Variants in PDE2A observed in about 807,000 individuals in gnomAD.
PDE2A encodes the protein cGMP-dependent 3',5'-cyclic phosphodiesterase.
In PDE2A, 53 loss-of-function variants were observed where a neutral mutation model predicts 133.6. The ratio of observed to expected loss-of-function variants is 0.40; its 90% CI spans 0.32 to 0.50. PDE2A has a LOEUF of 0.50. PDE2A is among the 20% of genes least tolerant of loss of function. The probability of loss-of-function intolerance (pLI) is 0.73; values close to 1 mark genes in which losing one functional copy is unlikely to be tolerated. For synonymous variants in PDE2A, 491 were observed against 490.2 expected (o/e 1.00, Z -0.02); for missense variants, 796 against 1,232.4 (o/e 0.65, Z 5.30).
intron 2 of PDE2A, among the ~76,000 whole-genome samples, chr11:72,630,011 C>A (rs1035452733): frequency 3.9e-5 from 6 of 152,260 alleles, no homozygotes; most frequent in Admixed American, 3.3e-4. Flanking sequence ...CTCACACACA[C>A]ACACACCCTC....
At chr11:72,615,065 T>A in intron 2 of PDE2A, 1 of 510,336 alleles carries the variant, frequency 2.0e-6, no homozygotes. Flanking sequence ...CTTCAGTTGT[T>A]ACTCCAACAG....
chr11:72,589,334 A>G (rs1856125689), intron 11 of PDE2A, 94 bp from the exon 12 acceptor site: 1 of 908,358 alleles, frequency 1.1e-6, no homozygotes, highest in Non-Finnish European at 1.8e-6. Flanking sequence ...AGTTTCAAAG[A>G]ACCCTTCAGT....
At chr11:72,585,669 G>T (rs1055914593) in intron 14 of PDE2A, 76 bp from the exon 15 acceptor site, 5 of 1,301,448 alleles carry the variant, frequency 3.8e-6, no homozygotes, top group Non-Finnish European at 4.4e-6. Context: ...GCCTCCAACA[G>T]CACCCGGGTC....
intron 2 of PDE2A, among the ~76,000 whole-genome samples, chr11:72,633,899 A>G (rs1858547852): frequency 6.6e-6 from 1 of 152,188 alleles, no homozygotes; most frequent in Admixed American, 6.5e-5. Context: ...CCTGATGCCA[A>G]GGGCAGTGTG....
chr11:72,584,125 G>T, intron 19 of PDE2A, 76 bp downstream of exon 19: 2 of 765,702 alleles, frequency 2.6e-6, no homozygotes, highest in Non-Finnish European at 4.4e-6. Context: ...AGAGTCAGTC[G>T]GAGGAGGAGA....
At chr11:72,660,070 C>G (rs1340294941) in intron 1 of PDE2A, among the ~76,000 whole-genome samples, 4 of 152,142 alleles carry the variant, frequency 2.6e-5, no homozygotes, top group Admixed American at 2.0e-4. Flanking sequence ...ATAAGAAGTC[C>G]CCCTCAAAGG....
chr11:72,598,630 G>C (rs1329147704), intron 4 of PDE2A: 1 of 1,289,020 alleles, frequency 7.8e-7, no homozygotes. Flanking sequence ...AGAAACTTGG[G>C]GAACTGTGTG....
At position 72,581,434 on chromosome 11, in the gene PDE2A, G is replaced by A; in HGVS notation, c.1968C>T (p.His656=). The stretch of plus-strand genomic sequence containing the variant: ...AGACAGAAAAGGCGTGCATCCAGTT[G>A]TGGTAGGGGGGATCCCGGTAGCCCT... ...VKKGYRDPPY[H]NWMHAFSVSH... Residue 656 remains histidine, a synonymous_variant, in exon 23 of 31, where the codon CAC becomes CAT. Transcript: ENST00000334456. 6.2e-7 allele frequency: 1 copy of A among 1,609,328 alleles called. No homozygotes were observed. Among genetic ancestry groups the A allele is most frequent in the Non-Finnish European group, 8.5e-7 (1 of 1,178,378 alleles).
At chr11:72,589,686 AG>A in intron 11 of PDE2A, 64 bp downstream of exon 11, 1 of 1,347,010 alleles carries the variant, frequency 7.4e-7, no homozygotes, top group Non-Finnish European at 1.1e-6. Context: ...GGCAGATCCC[AG>A]GAGTGTCTAC....
intron 2 of PDE2A, among the ~76,000 whole-genome samples, chr11:72,618,168 C>A (rs970057861): frequency 6.6e-6 from 1 of 152,240 alleles, no homozygotes; most frequent in Non-Finnish European, 1.5e-5. Flanking sequence ...CTCGTGGTCA[C>A]CTTACCTCAT....
chr11:72,651,526 C>A (rs749206491), intron 1 of PDE2A, among the ~76,000 whole-genome samples: 1 of 152,190 alleles, frequency 6.6e-6, no homozygotes, highest in Non-Finnish European at 1.5e-5. Flanking sequence ...CCATCTCCAA[C>A]TCTCCAGCTG....
chr11:72,605,337 G>A (rs781684317), intron 3 of PDE2A, 111 bp from the exon 4 acceptor site: 24 of 492,926 alleles, frequency 4.9e-5, no homozygotes, highest in Admixed American at 2.6e-4. Context: ...TGGGAGTGGA[G>A]CTCTGGCAAT....
At chr11:72,626,910 G>C (rs561202542) in intron 2 of PDE2A, among the ~76,000 whole-genome samples, 1 of 152,296 alleles carries the variant, frequency 6.6e-6, no homozygotes, top group African/African-American at 2.4e-5. Flanking sequence ...CCTTGCTCCA[G>C]CCTCCTCTAT....
At chr11:72,605,419 A>C (rs1293295906) in intron 3 of PDE2A, among the ~76,000 whole-genome samples, 193 bp from the exon 4 acceptor site, 1 of 152,132 alleles carries the variant, frequency 6.6e-6, no homozygotes, top group Non-Finnish European at 1.5e-5. Flanking sequence ...TGAACTAAGC[A>C]CCTCGTCCTC....
chr11:72,594,918 A>C (rs1301480405), intron 6 of PDE2A, among the ~76,000 whole-genome samples: 3 of 152,094 alleles, frequency 2.0e-5, no homozygotes, highest in Non-Finnish European at 4.4e-5. Flanking sequence ...GCCTTCCCCC[A>C]GACTGAGAGC....
intron 2 of PDE2A, among the ~76,000 whole-genome samples, chr11:72,622,647 A>C (rs1382565223): frequency 6.6e-6 from 1 of 152,240 alleles, no homozygotes; most frequent in Non-Finnish European, 1.5e-5. Flanking sequence ...AGAGTAGTCC[A>C]AGTCATAGAG....
chr11:72,577,620 C>T (rs1980090), intron 30 of PDE2A, 26 bp from the exon 31 acceptor site: 811,958 of 1,561,774 alleles, frequency 0.52, 218,190 homozygotes, highest in African/African-American at 0.78. Flanking sequence ...GGGCAGAGGG[C>T]GAGAGGCCAG....
intron 1 of PDE2A, 150 bp from the exon 2 acceptor site, chr11:72,642,476 G>A: frequency 3.0e-6 from 2 of 667,808 alleles, no homozygotes; most frequent in Non-Finnish European, 3.3e-6. Flanking sequence ...CCCCGGCCCC[G>A]CCCCGGCCCG....
At chr11:72,653,375 C>T (rs956642814) in intron 1 of PDE2A, among the ~76,000 whole-genome samples, 18 of 152,076 alleles carry the variant, frequency 1.2e-4, no homozygotes, top group African/African-American at 4.1e-4. Context: ...AAGAGAGATT[C>T]GGGAAGGTGG....
Sources: allele counts gnomAD v4.1 joint callset (sites outside exome capture counted in the v4.1 genomes callset), GRCh38; gene constraint gnomAD v4.1.1; transcripts MANE v1.5; gene names NCBI Gene and HGNC (gene_info 2026-07-23, HGNC 2026-07-21).